PYROXD2: variants seen among roughly 807,000 people sequenced by gnomAD.
PYROXD2 encodes the protein pyridine nucleotide-disulphide oxidoreductase domain 2.
Under a neutral mutation model 71.1 loss-of-function variants are expected in PYROXD2, and 69 were observed. The observed-to-expected ratio is 0.97, with a 90% confidence interval of 0.80 to 1.19. PYROXD2 has a LOEUF of 1.19. Among genes scored for constraint, PYROXD2 ranks in the 50% most tolerant of loss-of-function variants. The pLI is 0.00. For missense variants in PYROXD2, 745 were observed against 748.9 expected (o/e 0.99, Z 0.06); for synonymous variants, 287 against 302.7 (o/e 0.95, Z 0.54).
At position 98,390,542 on chromosome 10, in the gene PYROXD2, C is replaced by A. The variant is rs998610034; in HGVS notation, c.1292+56G>T. 2.7e-6 allele frequency: 4 copies of A among 1,504,636 alleles called. No individual in the cohort carries two copies. In the African/African-American group the frequency reaches 5.6e-5, roughly 21 times the overall value. The allele number at this position is 1,504,636 out of a possible 1,614,324, so 93.2% of individuals were successfully genotyped here. A position where few individuals can be genotyped will look rare whatever the true frequency, so the allele number is the denominator to read the frequency against. On this transcript the variant is annotated intron_variant, in intron 12 of 15. Transcript: ENST00000370575. ...CTGCTGTGGGTGGCATGGACAGCCC[C>A]GCCTCCCAGGCCCATGTGGAAGAAC... is the stretch of plus-strand genomic sequence containing the variant.
intron 6 of PYROXD2, among the ~76,000 whole-genome samples, chr10:98,396,673 T>C (rs1843196712): frequency 6.6e-6 from 1 of 152,188 alleles, no homozygotes; most frequent in African/African-American, 2.4e-5. Flanking sequence ...CCCTATATCT[T>C]ATTCTAGCCA....
At chr10:98,408,211 C>T (rs1293352041) in intron 2 of PYROXD2, among the ~76,000 whole-genome samples, 1 of 152,226 alleles carries the variant, frequency 6.6e-6, no homozygotes, top group Admixed American at 6.5e-5. Context: ...CCTCTAAGAT[C>T]CGACAGGCCT....
At position 98,394,541 on chromosome 10, in the gene PYROXD2, C is replaced by CTAA. The variant is rs1843080532; in HGVS notation, c.785+654_785+655insTTA. ...CCAACCCTTGGCTGCATTCTCCATC[C>CTAA]CAACACACACACACACACACACACA... On this transcript the variant is annotated intron_variant, in intron 8 of 15. Coordinates refer to ENST00000370575, the MANE Select transcript of PYROXD2 (RefSeq NM_032709.3). Among the ~76,000 whole-genome samples, 3 of 128,292 alleles carry CTAA rather than the reference C, an allele frequency of 2.3e-5. No homozygotes were observed. The South Asian group carries it at 7.4e-4, about 31-fold the overall frequency. 84.2% of individuals were successfully genotyped at this position (128,292 alleles called of 152,430 possible).
intron 10 of PYROXD2, 108 bp downstream of exon 10, chr10:98,392,324 G>C (rs1225249850): frequency 1.3e-6 from 2 of 1,511,254 alleles, no homozygotes; most frequent in Non-Finnish European, 1.8e-6. Context: ...CAGAGACTTG[G>C]CTTTTGCATC....
chr10:98,400,147 T>C lies in PYROXD2; in HGVS notation c.426A>G (p.Ala142=). ...ACTGGGCGATCTGCTTCTGGTTTTC[T>C]GCCATGTCTGTGCCCAGCAGAAGGC... ...PRCLLLGTDM[A]ENQKQIAQFS... The change falls in exon 5 of 16, where the codon GCA becomes GCG. Residue 142 remains alanine, a synonymous_variant. Coordinates refer to ENST00000370575, the MANE Select transcript of PYROXD2 (RefSeq NM_032709.3). 6.2e-7 allele frequency: 1 copy of C among 1,613,976 alleles called. No individual in the cohort carries two copies. The highest frequency in any genetic ancestry group is 8.5e-7 in the Non-Finnish European group (1 of 1,179,916).
At chr10:98,386,827 T>C (rs1181910292) in intron 14 of PYROXD2, among the ~76,000 whole-genome samples, 1 of 152,172 alleles carries the variant, frequency 6.6e-6, no homozygotes, top group Non-Finnish European at 1.5e-5. Flanking sequence ...TCCTATCTGG[T>C]CTCCCTGTCT....
chr10:98,398,406 T>G (rs1843274637), intron 5 of PYROXD2, among the ~76,000 whole-genome samples: 1 of 152,156 alleles, frequency 6.6e-6, no homozygotes, highest in Non-Finnish European at 1.5e-5. Flanking sequence ...TAGAAGCCTG[T>G]GCTACTGGAG....
Position 98,415,038 on chromosome 10 carries a change from G to C in PYROXD2, c.98C>G (p.Pro33Arg). ...DNTEARGGLKPEYDAVVIGAG... is the reference protein window; with the variant it reads ...DNTEARGGLKREYDAVVIGAG... Reference sequence around the variant, plus strand: ...TCCTATCACCACCGCATCATACTCAGGCTTCAGACCTCCCCTGGCTTCCGT... The same window carrying C: ...TCCTATCACCACCGCATCATACTCACGCTTCAGACCTCCCCTGGCTTCCGT... Residue 33 changes from proline (P) to arginine (R), a missense_variant, in exon 1 of 16, where the codon CCT becomes CGT. Coordinates refer to ENST00000370575, the MANE Select transcript of PYROXD2 (RefSeq NM_032709.3). 1 of 1,613,906 alleles carries C rather than the reference G, an allele frequency of 6.2e-7. No homozygotes were observed. The highest frequency in any genetic ancestry group is 8.5e-7 in the Non-Finnish European group (1 of 1,179,894).
chr10:98,414,718 AC>A, intron 1 of PYROXD2: 1 of 342,732 alleles, frequency 2.9e-6, no homozygotes, highest in East Asian at 5.1e-5. Flanking sequence ...ATATAGGGAA[AC>A]CCCTGAGCTC....
intron 5 of PYROXD2, among the ~76,000 whole-genome samples, chr10:98,397,802 G>A (rs1237796265): frequency 1.3e-5 from 2 of 152,016 alleles, no homozygotes; most frequent in Non-Finnish European, 2.9e-5. Flanking sequence ...ACAGAAAACT[G>A]GCAACAATCC....
Position 98,387,256 on chromosome 10 carries a change from C to A in PYROXD2, c.1499G>T (p.Gly500Val), listed in dbSNP as rs767160845. ...ATCTGGTGGTGTGAGGATGTCTCTG[C>A]CAACCACAGAGTCCTTGAAGCCAGG... Reference protein sequence around the residue: ...YAPGFKDSVVGRDILTPPDLE... With the variant: ...YAPGFKDSVVVRDILTPPDLE... The change falls in exon 14 of 16, where the codon GGC (glycine) becomes GTC (valine). Residue 500 changes from glycine (G) to valine (V), a missense_variant. Transcript: ENST00000370575. 3 of 1,614,000 alleles carry A rather than the reference C, an allele frequency of 1.9e-6. No homozygotes were observed. In the African/African-American group the frequency reaches 4.0e-5, roughly 22 times the overall value.
intron 4 of PYROXD2, among the ~76,000 whole-genome samples, chr10:98,401,834 T>C (rs571059438): frequency 2.6e-5 from 4 of 152,292 alleles, no homozygotes; most frequent in South Asian, 2.1e-4. Flanking sequence ...TGTCATCTCC[T>C]AGAGAGCAAT....
intron 5 of PYROXD2, among the ~76,000 whole-genome samples, chr10:98,398,055 G>C (rs939577398): frequency 4.0e-5 from 6 of 151,806 alleles, no homozygotes; most frequent in African/African-American, 1.5e-4. Context: ...GCTAATTTTT[G>C]TATTTTTAGT....
Position 98,393,094 on chromosome 10 carries a change from A to T in PYROXD2, c.786-11T>A. ...TGCAGCAGCACATACCTGTGGACAG[A>T]CCATCCGACTCAGATCCTGGAGGTG... On this transcript the variant is annotated splice_polypyrimidine_tract_variant and intron_variant, in intron 8 of 15. Transcript: ENST00000370575. The T allele has an allele frequency of 3.9e-6, 6 of 1,521,744 alleles. No individual in the cohort carries two copies. Among genetic ancestry groups the T allele is most frequent in the Non-Finnish European group, 5.2e-6 (6 of 1,143,692 alleles). 94.3% of individuals were successfully genotyped at this position (1,521,744 alleles called of 1,614,324 possible).
At chr10:98,397,877 C>CTTTTTT (rs60678578) in intron 5 of PYROXD2, among the ~76,000 whole-genome samples, 26 of 84,138 alleles carry the variant, frequency 3.1e-4, no homozygotes, top group East Asian at 3.6e-4. Flanking sequence ...GTCCTTTCTT[C>CTTTTTT]TTTTTTTTTT....
At chr10:98,400,001 A>C in intron 5 of PYROXD2, 101 bp downstream of exon 5, 1 of 1,422,052 alleles carries the variant, frequency 7.0e-7, no homozygotes, top group Non-Finnish European at 9.4e-7. Context: ...GGCCTGGCGC[A>C]GTGTCCATGG....
chr10:98,384,086 G>C (rs116272085), intron 15 of PYROXD2, among the ~76,000 whole-genome samples: 2,292 of 151,654 alleles, frequency 0.015, 60 homozygotes, highest in African/African-American at 0.052. Context: ...CAGGTCCACA[G>C]CCCACAGTCT....
intron 5 of PYROXD2, among the ~76,000 whole-genome samples, chr10:98,397,762 G>A (rs1054228385): frequency 2.0e-5 from 3 of 152,150 alleles, no homozygotes; most frequent in African/African-American, 7.2e-5. Context: ...GGGACAAGGA[G>A]CTAATGCTGG....
chr10:98,388,353 C>T lies in PYROXD2; in HGVS notation c.1447+1G>A. ...GAGGCAGAACGTGCAGCTGTCTTTA[C>T]CTCTGTCTGCATAAGCGTCTCTCTC... On this transcript the variant is annotated splice_donor_variant, in intron 13 of 15. Coordinates refer to ENST00000370575, the MANE Select transcript of PYROXD2 (RefSeq NM_032709.3). LOFTEE classifies it high-confidence loss of function. The T allele has an allele frequency of 6.2e-7, 1 of 1,613,792 alleles. No homozygotes were observed. The highest frequency in any genetic ancestry group is 8.5e-7 in the Non-Finnish European group (1 of 1,179,964).
Sources: gnomAD v4.1 joint callset for allele counts (sites outside exome capture counted in the v4.1 genomes callset) on GRCh38, gnomAD v4.1.1 for gene constraint, MANE v1.5 for transcripts, NCBI Gene and HGNC (gene_info 2026-07-23, HGNC 2026-07-21) for gene names.